NREP: variants seen among roughly 807,000 people sequenced by gnomAD.
NREP encodes neuronal regeneration-related protein.
NREP carries 5 observed loss-of-function variants against 8.6 expected under a neutral mutation model. The ratio of observed to expected loss-of-function variants is 0.58; its 90% CI spans 0.30 to 1.22. The LOEUF (loss-of-function observed/expected upper bound fraction) is 1.22, where lower values mean the gene tolerates loss of function less well. Among genes scored for constraint, NREP ranks in the 50% most tolerant of loss-of-function variants. The pLI is 0.07. For synonymous variants in NREP, 27 were observed against 28.0 expected, an observed-to-expected ratio of 0.96 and a Z score of 0.11; for missense variants, 86 against 82.5, an observed-to-expected ratio of 1.04 and a Z score of -0.17.
intron 2 of NREP, among the ~76,000 whole-genome samples, chr5:111,802,188 G>C (rs1752029652): frequency 6.6e-6 from 1 of 152,120 alleles, no homozygotes; most frequent in Non-Finnish European, 1.5e-5. Flanking sequence ...GCTTAATGAA[G>C]AATTTTAATA....
At chr5:111,782,736 TTTTTTTTTTC>T (rs1259373740) in intron 2 of NREP, among the ~76,000 whole-genome samples, 1 of 148,714 alleles carries the variant, frequency 6.7e-6, no homozygotes, top group Non-Finnish European at 1.5e-5. Flanking sequence ...ATGGCTTTTC[TTTTTTTTTTC>T]TTTTTTTTTT....
upstream of NREP, among the ~76,000 whole-genome samples, chr5:111,762,467 C>T (rs1345481366): frequency 6.6e-6 from 1 of 151,992 alleles, no homozygotes; most frequent in Non-Finnish European, 1.5e-5. Flanking sequence ...ACACCACCCC[C>T]AAAATGTACA....
chr5:111,908,429 T>C (rs1754828343), intron 2 of NREP, among the ~76,000 whole-genome samples: 1 of 152,032 alleles, frequency 6.6e-6, no homozygotes, highest in Admixed American at 6.6e-5. Context: ...TGCCCACATC[T>C]CTTCCTCCCC....
intron 2 of NREP, among the ~76,000 whole-genome samples, chr5:111,969,741 C>T (rs1756749413): frequency 6.6e-6 from 1 of 152,128 alleles, no homozygotes. Context: ...TTTACATATA[C>T]TGTAGGTTGG....
chr5:111,749,451 G>C (rs1310138507), intron 2 of NREP, among the ~76,000 whole-genome samples: 1 of 151,946 alleles, frequency 6.6e-6, no homozygotes, highest in Non-Finnish European at 1.5e-5. Context: ...ATCCCTCTTG[G>C]ACTTGGCTTT....
chr5:111,964,855 CAAAAAAAAAAAAAAAAAAAAAAAAAAAA>C (rs58877839), intron 2 of NREP, among the ~76,000 whole-genome samples: 5 of 44,890 alleles, frequency 1.1e-4, no homozygotes, highest in Middle Eastern at 0.021. Flanking sequence ...CTTTCAGCAG[CAAAAAAAAAAAAAAAAAAAAAAAAAAAA>C]AAAAAAAAAA....
chr5:111,831,956 C>T (rs1752778908), intron 2 of NREP, among the ~76,000 whole-genome samples: 1 of 152,252 alleles, frequency 6.6e-6, no homozygotes, highest in African/African-American at 2.4e-5. Context: ...TGCTGAGTGG[C>T]CCACGTAGGC....
At chr5:111,829,695 T>G (rs1752716212) in intron 2 of NREP, among the ~76,000 whole-genome samples, 1 of 152,194 alleles carries the variant, frequency 6.6e-6, no homozygotes, top group Non-Finnish European at 1.5e-5. Context: ...AGTCTAGACT[T>G]TACCTGAACT....
chr5:111,832,440 G>A (rs905747797), intron 2 of NREP, among the ~76,000 whole-genome samples: 3 of 152,088 alleles, frequency 2.0e-5, no homozygotes, highest in Non-Finnish European at 4.4e-5. Context: ...CTGATGAGGT[G>A]GGAGGATTGC....
intron 2 of NREP, among the ~76,000 whole-genome samples, chr5:111,870,605 T>C (rs1002644760): frequency 2.0e-5 from 3 of 152,166 alleles, no homozygotes; most frequent in Admixed American, 2.0e-4. Flanking sequence ...TATGCCAACA[T>C]ACCAAAAGGT....
rs1292024496 is a variant in NREP at position 111,764,331 on chromosome 5, GATAAGAC to G, written c.136-28831_136-28825del. ...TGTATTATTCTGTTTTCATGTTGCT[GATAAGAC>G]ATACCTGAGACTGGGCAATTTACAA... On this transcript the variant is annotated intron_variant, in intron 2 of 3. Transcript: ENST00000395634. Among the ~76,000 whole-genome samples the G allele has an allele frequency of 8.5e-5, 13 of 152,280 alleles. No homozygotes were observed. In the East Asian group the frequency reaches 1.7e-3, roughly 20 times the overall value.
chr5:111,756,293 G>GT (rs1186860688), intron 1 of NREP: 14 of 176,092 alleles, frequency 8.0e-5, no homozygotes, highest in Non-Finnish European at 7.3e-5. Context: ...AACCTTCCGT[G>GT]TTTAAAAAAA....
At chr5:111,858,790 A>G (rs1409545539) in intron 2 of NREP, among the ~76,000 whole-genome samples, 1 of 152,170 alleles carries the variant, frequency 6.6e-6, no homozygotes, top group Non-Finnish European at 1.5e-5. Flanking sequence ...TGATCTGGCC[A>G]TTTTTAAACA....
At chr5:111,960,754 CTTAAG>C (rs1756457941) in intron 2 of NREP, among the ~76,000 whole-genome samples, 1 of 152,100 alleles carries the variant, frequency 6.6e-6, no homozygotes, top group Admixed American at 6.5e-5. Context: ...TGTATCTAAA[CTTAAG>C]TTTACAGTCT....
intron 2 of NREP, among the ~76,000 whole-genome samples, chr5:111,925,370 C>T (rs952003230): frequency 6.6e-5 from 10 of 152,116 alleles, no homozygotes; most frequent in African/African-American, 2.4e-4. Flanking sequence ...TCTTAAAGTG[C>T]CCTGGTTTGC....
intron 2 of NREP, among the ~76,000 whole-genome samples, chr5:111,744,717 A>G (rs1161192131): frequency 6.6e-6 from 1 of 152,092 alleles, no homozygotes; most frequent in East Asian, 1.9e-4. Flanking sequence ...ACCCAAACAG[A>G]TGTGTTTCAG....
chr5:111,921,716 G>C (rs978203751), intron 2 of NREP, among the ~76,000 whole-genome samples: 6 of 152,114 alleles, frequency 3.9e-5, no homozygotes, highest in African/African-American at 1.4e-4. Flanking sequence ...AGCTGATATG[G>C]TTTGGCTGTG....
chr5:111,857,305 T>C (rs1279099973), intron 2 of NREP, among the ~76,000 whole-genome samples: 1 of 152,196 alleles, frequency 6.6e-6, no homozygotes, highest in Non-Finnish European at 1.5e-5. Flanking sequence ...TGCTGTGTAG[T>C]ACGGGCTTTA....
intron 3 of NREP, chr5:111,734,492 T>C (rs958024239): frequency 5.1e-6 from 2 of 388,838 alleles, no homozygotes; most frequent in Middle Eastern, 6.5e-4. Flanking sequence ...CCTTCAAAAA[T>C]GCTCTGCAAG....
Sources: gnomAD v4.1 joint callset for allele counts (sites outside exome capture counted in the v4.1 genomes callset) on GRCh38, gnomAD v4.1.1 for gene constraint, MANE v1.5 for transcripts, NCBI Gene and HGNC (gene_info 2026-07-23, HGNC 2026-07-21) for gene names.